The following NR6A1 variants were observed in gnomAD, a reference collection of about 807,000 sequenced individuals.
NR6A1 encodes nuclear receptor subfamily 6 group A member 1.
A neutral mutation model predicts 59.1 loss-of-function variants in NR6A1; 7 were observed. That is an observed-to-expected ratio of 0.12 (90% CI 0.07 to 0.22). The LOEUF (loss-of-function observed/expected upper bound fraction) is 0.22, where lower values mean the gene tolerates loss of function less well. Among genes scored for constraint, NR6A1 ranks in the 10% least tolerant of loss-of-function variants. The pLI, the probability that NR6A1 is intolerant of heterozygous loss-of-function variation, is 1.00. For missense variants in NR6A1, 468 were observed against 611.6 expected, an observed-to-expected ratio of 0.77 and a Z score of 2.48; for synonymous variants, 243 against 236.1, an observed-to-expected ratio of 1.03 and a Z score of -0.27.
At chr9:124,664,910 C>T (rs1208069103) in intron 2 of NR6A1, among the ~76,000 whole-genome samples, 2 of 146,760 alleles carry the variant, frequency 1.4e-5, no homozygotes, top group African/African-American at 5.0e-5. Context: ...CGGTAGCTCA[C>T]ACCTGTAATC....
At chr9:124,619,516 G>C (rs1313835496) in intron 2 of NR6A1, among the ~76,000 whole-genome samples, 1 of 152,122 alleles carries the variant, frequency 6.6e-6, no homozygotes, top group Non-Finnish European at 1.5e-5. Context: ...GCCTGCCTTG[G>C]CCTCCCAAAG....
chr9:124,570,900 A>G (rs938066489), intron 2 of NR6A1, among the ~76,000 whole-genome samples: 5 of 152,242 alleles, frequency 3.3e-5, no homozygotes, highest in Admixed American at 3.3e-4. Flanking sequence ...GACATTGATT[A>G]TTTAAAATTC....
intron 1 of NR6A1, among the ~76,000 whole-genome samples, chr9:124,764,960 G>A (rs1282428551): frequency 6.6e-6 from 1 of 152,164 alleles, no homozygotes; most frequent in Non-Finnish European, 1.5e-5. Flanking sequence ...CAACTTAAAG[G>A]CAAGAATCAG....
chr9:124,698,440 G>T (rs975731506), intron 2 of NR6A1: 1 of 152,210 alleles, frequency 6.6e-6, no homozygotes, highest in East Asian at 1.9e-4. Flanking sequence ...ACAGGCTCTC[G>T]ATCCGTGGGA....
At chr9:124,629,504 GTGAA>G (rs1836360274) in intron 2 of NR6A1, among the ~76,000 whole-genome samples, 1 of 152,188 alleles carries the variant, frequency 6.6e-6, no homozygotes, top group East Asian at 1.9e-4. Flanking sequence ...CATTTTACCA[GTGAA>G]GAAACTGAGG....
intron 2 of NR6A1, among the ~76,000 whole-genome samples, chr9:124,675,804 G>T (rs1564231274): frequency 6.6e-6 from 1 of 152,124 alleles, no homozygotes; most frequent in East Asian, 1.9e-4. Flanking sequence ...TTTCCATCTA[G>T]AATTCTCAAT....
At chr9:124,770,579 G>C (rs957418337) in intron 1 of NR6A1, among the ~76,000 whole-genome samples, 2 of 150,270 alleles carry the variant, frequency 1.3e-5, no homozygotes, top group African/African-American at 4.9e-5. Context: ...CCCGAGTGAG[G>C]GGATGCCCCC....
At chr9:124,668,155 C>T (rs1278869414) in intron 2 of NR6A1, among the ~76,000 whole-genome samples, 1 of 151,996 alleles carries the variant, frequency 6.6e-6, no homozygotes, top group African/African-American at 2.4e-5. Flanking sequence ...TATTGTATTA[C>T]TATAATAAAC....
intron 1 of NR6A1, among the ~76,000 whole-genome samples, chr9:124,760,180 C>T (rs1425134779): frequency 2.6e-5 from 4 of 151,646 alleles, no homozygotes; most frequent in East Asian, 1.9e-4. Flanking sequence ...GGCATGGTGG[C>T]GGGCACCTGT....
intron 2 of NR6A1, among the ~76,000 whole-genome samples, chr9:124,695,819 GTC>G (rs1838738294): frequency 6.6e-6 from 1 of 152,066 alleles, no homozygotes; most frequent in Admixed American, 6.5e-5. Context: ...AGAAAAGAAT[GTC>G]TGACACGTAC....
chr9:124,670,930 C>A (rs1004178274), intron 2 of NR6A1, among the ~76,000 whole-genome samples: 1 of 152,146 alleles, frequency 6.6e-6, no homozygotes, highest in Non-Finnish European at 1.5e-5. Context: ...GTTTTGACCA[C>A]AGTGGTGGCA....
intron 2 of NR6A1, among the ~76,000 whole-genome samples, chr9:124,716,532 G>A (rs1005217612): frequency 6.6e-6 from 1 of 152,192 alleles, no homozygotes; most frequent in Non-Finnish European, 1.5e-5. Flanking sequence ...CAGACTAGGA[G>A]AAAATATTTA....
intron 2 of NR6A1, among the ~76,000 whole-genome samples, chr9:124,630,715 G>C (rs1167562127): frequency 2.8e-5 from 2 of 71,516 alleles, no homozygotes; most frequent in Admixed American, 4.8e-4. Flanking sequence ...TTTCGCTCTT[G>C]TTGCCCAGGC....
Position 124,568,851 on chromosome 9 carries a change from C to T in NR6A1, c.143-14281G>A, listed in dbSNP as rs928931822. Among the ~76,000 whole-genome samples the T allele has an allele frequency of 2.0e-5, 3 of 151,730 alleles. 1 individual carries two copies. Among genetic ancestry groups the T allele is most frequent in the African/African-American group, 7.3e-5 (3 of 41,044 alleles). ...GCCTCAGGCCGGGCACAGTGGCTCA[C>T]GCCTGTAATCCCAGCACTTTGGGAG... On this transcript the variant is annotated intron_variant, in intron 2 of 9. Transcript: ENST00000487099.
Position 124,567,928 on chromosome 9 carries a change from A to G in NR6A1, c.143-13358T>C, listed in dbSNP as rs190112884. ...CGGTGGCTCATGCCTGTAATCCCAG[A>G]ACTTTGGGAGGCCAGGGCGGGTGGA... On this transcript the variant is annotated intron_variant, in intron 2 of 9. Coordinates refer to ENST00000487099, the MANE Select transcript of NR6A1 (RefSeq NM_033334.4). 2.5e-3 allele frequency among the ~76,000 whole-genome samples: 362 copies of G among 146,466 alleles called. 1 individual carries two copies. Among genetic ancestry groups the G allele is most frequent in the African/African-American group, 8.7e-3 (346 of 39,706 alleles).
At chr9:124,733,286 T>C (rs756072257) in intron 2 of NR6A1, 22 bp downstream of exon 2, 8 of 1,581,522 alleles carry the variant, frequency 5.1e-6, no homozygotes, top group African/African-American at 2.7e-5. Flanking sequence ...CCAAAGAATA[T>C]TGGGTAACAT....
At chr9:124,700,753 CCTT>C (rs1838918924) in intron 2 of NR6A1, among the ~76,000 whole-genome samples, 1 of 138,696 alleles carries the variant, frequency 7.2e-6, no homozygotes, top group Non-Finnish European at 1.5e-5. Context: ...ATTTACATAG[CCTT>C]TTTTTTTTTT....
At chr9:124,606,894 C>T (rs1447984151) in intron 2 of NR6A1, among the ~76,000 whole-genome samples, 1 of 152,164 alleles carries the variant, frequency 6.6e-6, no homozygotes, top group African/African-American at 2.4e-5. Context: ...AGTTCCTGCT[C>T]CCTTTCTGTG....
intron 2 of NR6A1, chr9:124,599,108 C>T (rs966343921): frequency 4.4e-6 from 3 of 687,774 alleles, no homozygotes; most frequent in South Asian, 3.0e-5. Context: ...TTCTAGGAGA[C>T]GGTTCTCTGC....
Sources: gnomAD v4.1 joint callset for allele counts (sites outside exome capture counted in the v4.1 genomes callset) on GRCh38, gnomAD v4.1.1 for gene constraint, MANE v1.5 for transcripts, NCBI Gene and HGNC (gene_info 2026-07-23, HGNC 2026-07-21) for gene names.